RUFY4: variants seen among roughly 807,000 people sequenced by gnomAD.
The protein encoded by RUFY4 is RUN and FYVE domain-containing protein 4.
In RUFY4, 73 loss-of-function variants were observed where a neutral mutation model predicts 69.0. The observed-to-expected ratio is 1.06, with a 90% CI of 0.88 to 1.29. The LOEUF (loss-of-function observed/expected upper bound fraction) is 1.29. Among genes scored for constraint, RUFY4 ranks in the 50% most tolerant of loss-of-function variants. The pLI is 0.00. For synonymous variants in RUFY4, 287 were observed against 271.8 expected (o/e 1.06, Z -0.55); for missense variants, 770 against 705.6 (o/e 1.09, Z -1.03).
chr2:218,037,055 A>G (rs1958989897), intron 2 of RUFY4, among the ~76,000 whole-genome samples: 1 of 152,230 alleles, frequency 6.6e-6, no homozygotes, highest in Admixed American at 6.5e-5. Context: ...GCAGTGGCTC[A>G]AGCCTGTAAT....
At chr2:218,075,542 C>T in exon 7 of RUFY4, 1 of 1,541,850 alleles carries the variant, frequency 6.5e-7, no homozygotes, top group Non-Finnish European at 8.7e-7. Flanking sequence ...TGCCCAGCCC[C>T]AGAGGGGCTG....
intron 2 of RUFY4, 82 bp from the exon 5 acceptor site, chr2:218,072,292 A>G: frequency 6.7e-7 from 1 of 1,486,614 alleles, no homozygotes; most frequent in Admixed American, 2.0e-5. Flanking sequence ...CCTCCAGTAC[A>G]TGTCCCCTCA....
intron 9 of RUFY4, among the ~76,000 whole-genome samples, chr2:218,088,519 A>T (rs1358948728): frequency 6.6e-6 from 1 of 152,148 alleles, no homozygotes; most frequent in African/African-American, 2.4e-5. Flanking sequence ...AAGGGCATAC[A>T]TGTAAATAAA....
At chr2:218,045,221 A>G (rs901648640) in intron 2 of RUFY4, among the ~76,000 whole-genome samples, 2 of 152,158 alleles carry the variant, frequency 1.3e-5, no homozygotes, top group Non-Finnish European at 2.9e-5. Context: ...CTTTTTTCAT[A>G]TGATATTTGA....
intron 2 of RUFY4, among the ~76,000 whole-genome samples, chr2:218,050,648 T>G (rs769791803): frequency 6.6e-6 from 1 of 152,212 alleles, no homozygotes; most frequent in Non-Finnish European, 1.5e-5. Flanking sequence ...CATCTTTCTC[T>G]GTATTACCAC....
chr2:218,079,172 T>C (rs1689703476), intron 8 of RUFY4, among the ~76,000 whole-genome samples: 1 of 152,156 alleles, frequency 6.6e-6, no homozygotes. Flanking sequence ...CCCGGCTTGA[T>C]GTGCGTTTTA....
chr2:218,073,452 A>C, intron 5 of RUFY4, 66 bp downstream of exon 7: 1 of 1,548,568 alleles, frequency 6.5e-7, no homozygotes, highest in Non-Finnish European at 8.7e-7. Context: ...CAAGGGTCCC[A>C]GGCAAGCCCC....
At chr2:218,089,759 G>A (rs1314727044) in intron 10 of RUFY4, 193 bp from the exon 13 acceptor site, 1 of 705,852 alleles carries the variant, frequency 1.4e-6, no homozygotes, top group Admixed American at 2.0e-5. Context: ...GGAGGCTCTG[G>A]AGGGGTCGGG....
intron 2 of RUFY4, among the ~76,000 whole-genome samples, chr2:218,053,616 TCTC>T (rs1231558319): frequency 6.6e-6 from 1 of 152,070 alleles, no homozygotes; most frequent in Non-Finnish European, 1.5e-5. Flanking sequence ...TTCATCCCAT[TCTC>T]CTGCCTCAGC....
intron 2 of RUFY4, among the ~76,000 whole-genome samples, chr2:218,038,589 C>T (rs1376688607): frequency 6.6e-6 from 1 of 152,038 alleles, no homozygotes; most frequent in African/African-American, 2.4e-5. Context: ...TTGGAAGACC[C>T]CAAATTAGAT....
chr2:218,064,230 C>T (rs1187625559), intron 3 of RUFY4, among the ~76,000 whole-genome samples: 3 of 152,190 alleles, frequency 2.0e-5, no homozygotes, highest in South Asian at 2.1e-4. Context: ...CAAGGCCAGG[C>T]GCCTGGAAGC....
intron 8 of RUFY4, among the ~76,000 whole-genome samples, chr2:218,080,140 A>G (rs1227032760): frequency 6.6e-6 from 1 of 152,192 alleles, no homozygotes; most frequent in African/African-American, 2.4e-5. Flanking sequence ...GTGGCTGAGC[A>G]GAGGAGAGAG....
At chr2:218,039,776 C>A (rs1304811108) in intron 2 of RUFY4, among the ~76,000 whole-genome samples, 1 of 152,186 alleles carries the variant, frequency 6.6e-6, no homozygotes. Flanking sequence ...GTGGCCTATG[C>A]CCCCAGCCTC....
intron 2 of RUFY4, among the ~76,000 whole-genome samples, chr2:218,040,999 CAGATGGTTCTCTAG>C (rs66661630): frequency 0.1 from 15,320 of 151,178 alleles, 2,308 homozygotes; most frequent in African/African-American, 0.33. Context: ...CAAAGTCTTT[CAGATGGTTCTCTAG>C]AGATGGTTCT....
chr2:218,088,146 A>C (rs1160639302), intron 9 of RUFY4, among the ~76,000 whole-genome samples: 1 of 152,204 alleles, frequency 6.6e-6, no homozygotes, highest in Non-Finnish European at 1.5e-5. Flanking sequence ...AATCATATGC[A>C]TGTATTATTT....
chr2:218,077,628 T>A (rs12694426), intron 8 of RUFY4, among the ~76,000 whole-genome samples: 1 of 151,980 alleles, frequency 6.6e-6, no homozygotes, highest in African/African-American at 2.4e-5. Context: ...TGTCTCTCTC[T>A]CCCACATGGC....
intron 2 of RUFY4, among the ~76,000 whole-genome samples, chr2:218,042,701 G>GC (rs111856394): frequency 0.56 from 84,736 of 151,334 alleles, 25,659 homozygotes; most frequent in East Asian, 0.78. Context: ...TTTTTCTGAA[G>GC]TTAAATCATC....
chr2:218,036,010 G>C lies in RUFY4; in HGVS notation c.-1158+616G>C, dbSNP rs552928532. 2.0e-5 allele frequency among the ~76,000 whole-genome samples: 3 copies of C among 152,284 alleles called. No homozygotes were observed. In the East Asian group the frequency reaches 5.8e-4, roughly 29 times the overall value. The stretch of plus-strand genomic sequence containing the variant: ...ACCCTCACGGGGCTGCTCACACCAA[G>C]TCAGGGCCCAGAACACAGGCCCTGT... On this transcript the variant is annotated intron_variant and NMD_transcript_variant, in intron 2 of 13. Transcript: ENST00000457754.
intron 2 of RUFY4, among the ~76,000 whole-genome samples, chr2:218,037,941 A>G (rs945391737): frequency 6.7e-6 from 1 of 150,194 alleles, no homozygotes; most frequent in Non-Finnish European, 1.5e-5. Flanking sequence ...AAAGAAAAAA[A>G]CAGTTTCCTA....
Sources: gnomAD v4.1 joint callset for allele counts (sites outside exome capture counted in the v4.1 genomes callset) on GRCh38, gnomAD v4.1.1 for gene constraint, MANE v1.5 for transcripts, NCBI Gene and HGNC (gene_info 2026-07-23, HGNC 2026-07-21) for gene names.